The following OLFM3 variants were observed in gnomAD, a reference collection of about 807,000 sequenced individuals.
OLFM3 encodes the protein olfactomedin 3, also known as noelin-3.
A neutral mutation model predicts 48.6 loss-of-function variants in OLFM3; 20 were observed. The observed-to-expected ratio is 0.41, with a 90% CI of 0.29 to 0.60. The LOEUF is 0.60. Ranked by LOEUF, OLFM3 falls within the 20% of genes least tolerant of loss-of-function variation. The pLI is 0.28. For missense variants in OLFM3, 437 were observed against 544.3 expected, an observed-to-expected ratio of 0.80 and a Z score of 1.96; for synonymous variants, 222 against 198.1, an observed-to-expected ratio of 1.12 and a Z score of -1.01.
chr1:101,879,454 C>A (rs1301814152), intron 1 of OLFM3, among the ~76,000 whole-genome samples: 5 of 151,762 alleles, frequency 3.3e-5, no homozygotes, highest in African/African-American at 1.2e-4. Flanking sequence ...GGCTCTATAT[C>A]ATTTCACCTT....
chr1:101,835,558 A>T (rs1403306001), intron 2 of OLFM3, among the ~76,000 whole-genome samples: 2 of 152,172 alleles, frequency 1.3e-5, no homozygotes, highest in Non-Finnish European at 2.9e-5. Context: ...CAGGTGATCC[A>T]CCTGCCTTGG....
chr1:101,827,369 G>A (rs1654911646), intron 3 of OLFM3, among the ~76,000 whole-genome samples: 1 of 151,414 alleles, frequency 6.6e-6, no homozygotes. Context: ...AGGCTGGAGT[G>A]CAGTCAGTGG....
chr1:101,833,538 T>C (rs939953645), intron 2 of OLFM3, among the ~76,000 whole-genome samples: 2 of 152,252 alleles, frequency 1.3e-5, no homozygotes, highest in African/African-American at 4.8e-5. Context: ...TGTTCTATGA[T>C]TCAGCTTTCC....
chr1:101,874,999 C>G (rs1453167158), intron 1 of OLFM3, among the ~76,000 whole-genome samples: 1 of 151,904 alleles, frequency 6.6e-6, no homozygotes. Context: ...ACTATGAATC[C>G]TCTCATAACT....
intron 4 of OLFM3, among the ~76,000 whole-genome samples, chr1:101,808,937 G>A (rs998908674): frequency 6.6e-6 from 1 of 151,642 alleles, no homozygotes; most frequent in African/African-American, 2.4e-5. Context: ...AATATATACT[G>A]AGTATTGTAA....
chr1:101,870,571 C>A (rs967100423), intron 1 of OLFM3, among the ~76,000 whole-genome samples: 2 of 152,136 alleles, frequency 1.3e-5, no homozygotes, highest in African/African-American at 2.4e-5. Context: ...CCAATTGCTA[C>A]GTTTCTAATG....
chr1:101,940,692 A>ATC (rs1659765925), intron 1 of OLFM3, among the ~76,000 whole-genome samples: 1 of 150,132 alleles, frequency 6.7e-6, no homozygotes, highest in Non-Finnish European at 1.5e-5. Flanking sequence ...ATATATATAT[A>ATC]TCCAGTTTTA....
intron 1 of OLFM3, among the ~76,000 whole-genome samples, chr1:101,964,424 G>T (rs1221810549): frequency 1.3e-5 from 2 of 152,208 alleles, no homozygotes; most frequent in Non-Finnish European, 2.9e-5. Flanking sequence ...CATTAATTGA[G>T]AATAGAATAT....
chr1:101,949,837 C>G (rs951671808), intron 1 of OLFM3, among the ~76,000 whole-genome samples: 3 of 147,494 alleles, frequency 2.0e-5, no homozygotes, highest in Non-Finnish European at 3.0e-5. Flanking sequence ...GGCTGAGGCA[C>G]GAGAATGGCG....
At chr1:101,943,662 A>T (rs1659862116) in intron 1 of OLFM3, among the ~76,000 whole-genome samples, 1 of 152,184 alleles carries the variant, frequency 6.6e-6, no homozygotes, top group African/African-American at 2.4e-5. Context: ...TTTTAACTTA[A>T]TTTGCCAATA....
chr1:101,957,814 A>G (rs752321805), intron 1 of OLFM3, among the ~76,000 whole-genome samples: 2 of 152,046 alleles, frequency 1.3e-5, no homozygotes, highest in Non-Finnish European at 2.9e-5. Flanking sequence ...ATCTAGCAAT[A>G]ATAAGGAAGT....
At position 101,989,360 on chromosome 1, in the gene OLFM3, A is replaced by G. The variant is rs573513426; in HGVS notation, c.69+7388T>C. ...AAAATCAATTTTTTATTATTTCAGC[A>G]ACATTTTTGAATGTTGCCATTGAAA... is the stretch of plus-strand genomic sequence containing the variant. On this transcript the variant is annotated intron_variant, in intron 1 of 5. Coordinates refer to ENST00000370103, the MANE Select transcript of OLFM3 (RefSeq NM_058170.4). Among the ~76,000 whole-genome samples, 33 of 152,234 alleles carry G rather than the reference A, an allele frequency of 2.2e-4. No homozygotes were observed. In the South Asian group the frequency reaches 5.6e-3, roughly 26 times the overall value.
At chr1:101,830,944 G>T in intron 2 of OLFM3, 117 bp from the exon 3 acceptor site, 1 of 760,828 alleles carries the variant, frequency 1.3e-6, no homozygotes, top group South Asian at 1.8e-5. Context: ...TCATAACTGG[G>T]TTCCCATATG....
At chr1:101,822,646 G>A (rs1654664810) in intron 4 of OLFM3, among the ~76,000 whole-genome samples, 1 of 152,052 alleles carries the variant, frequency 6.6e-6, no homozygotes. Flanking sequence ...ATATTTCTTT[G>A]TAAACTTCAT....
intron 1 of OLFM3, among the ~76,000 whole-genome samples, chr1:101,898,843 T>C (rs1205772500): frequency 3.9e-5 from 6 of 152,040 alleles, no homozygotes. Context: ...AGCAAGACTG[T>C]GTCTCAAAAA....
intron 4 of OLFM3, among the ~76,000 whole-genome samples, chr1:101,813,695 C>T (rs1357041998): frequency 1.3e-5 from 2 of 152,130 alleles, no homozygotes; most frequent in Non-Finnish European, 2.9e-5. Flanking sequence ...TCATGTCTGT[C>T]ATCCATTAGC....
At chr1:101,823,704 A>G (rs1215808520) in intron 4 of OLFM3, among the ~76,000 whole-genome samples, 1 of 152,090 alleles carries the variant, frequency 6.6e-6, no homozygotes, top group African/African-American at 2.4e-5. Context: ...TGAGTTAGAG[A>G]GGAATGAAAA....
chr1:101,928,249 A>T (rs1659334687), intron 1 of OLFM3, among the ~76,000 whole-genome samples: 2 of 152,188 alleles, frequency 1.3e-5, no homozygotes, highest in South Asian at 4.1e-4. Context: ...CCTTGGAAAT[A>T]CTTTCAGGTG....
intron 1 of OLFM3, among the ~76,000 whole-genome samples, chr1:101,929,735 A>C (rs1190138295): frequency 6.6e-6 from 1 of 152,144 alleles, no homozygotes; most frequent in African/African-American, 2.4e-5. Context: ...AATATCTAAA[A>C]ATTATTAAAG....
Sources: gnomAD v4.1 joint callset for allele counts (sites outside exome capture counted in the v4.1 genomes callset) on GRCh38, gnomAD v4.1.1 for gene constraint, MANE v1.5 for transcripts, NCBI Gene and HGNC (gene_info 2026-07-23, HGNC 2026-07-21) for gene names.